LARP1B: variants seen among roughly 807,000 people sequenced by gnomAD.
LARP1B encodes la-related protein 1B.
LARP1B carries 76 observed loss-of-function variants against 114.2 expected under a neutral mutation model. The ratio of observed to expected loss-of-function variants is 0.67; its 90% confidence interval spans 0.55 to 0.81. The LOEUF (loss-of-function observed/expected upper bound fraction) is 0.81. Among genes scored for constraint, LARP1B ranks in the 30% least tolerant of loss-of-function variants. The probability of loss-of-function intolerance (pLI) is 0.00; values close to 1 mark genes in which losing one functional copy is unlikely to be tolerated. For synonymous variants in LARP1B, 345 were observed against 348.0 expected, an observed-to-expected ratio of 0.99 and a Z score of 0.10; for missense variants, 1,014 against 1,075.8, an observed-to-expected ratio of 0.94 and a Z score of 0.80.
rs1383143391 is a variant in LARP1B, at chr4:128,184,914, C to A, written c.2003+5402C>A. On this transcript the variant is annotated intron_variant, in intron 15 of 19. Transcript: ENST00000326639. The stretch of plus-strand genomic sequence containing the variant: ...CTATGTTTCTGCAAATGACATAATT[C>A]TTTTTTATGGCTGAATAGTATTCCA... Among the ~76,000 whole-genome samples the A allele has an allele frequency of 2.0e-5, 3 of 152,088 alleles. No homozygotes were observed. The East Asian group carries it at 5.8e-4, about 29-fold the overall frequency.
intron 1 of LARP1B, chr4:128,061,646 C>A: frequency 1.0e-6 from 1 of 980,478 alleles, no homozygotes. Context: ...CAGTCGGGTT[C>A]CCTGGCCTCG....
At chr4:128,083,565 G>A (rs1370695392) in intron 5 of LARP1B, among the ~76,000 whole-genome samples, 1 of 149,082 alleles carries the variant, frequency 6.7e-6, no homozygotes, top group African/African-American at 2.5e-5. Flanking sequence ...CGGCTGGCGG[G>A]CAGGGGGCTG....
At chr4:128,160,659 T>G (rs1283812958) in intron 11 of LARP1B, among the ~76,000 whole-genome samples, 1 of 152,208 alleles carries the variant, frequency 6.6e-6, no homozygotes, top group East Asian at 1.9e-4. Context: ...CATACAATAA[T>G]TATTTATAGA....
chr4:128,146,370 G>C (rs1195468325), intron 11 of LARP1B, among the ~76,000 whole-genome samples: 2 of 152,196 alleles, frequency 1.3e-5, no homozygotes, highest in Non-Finnish European at 2.9e-5. Flanking sequence ...GGTGATAGTT[G>C]TTGAAACCAT....
chr4:128,063,997 C>T (rs6534659), intron 1 of LARP1B, among the ~76,000 whole-genome samples: 91,209 of 151,528 alleles, frequency 0.6, 28,290 homozygotes, highest in Middle Eastern at 0.8. Flanking sequence ...ATTGGCTGTG[C>T]GCGGTGGCAC....
chr4:128,176,209 AT>A (rs68183289), intron 12 of LARP1B, among the ~76,000 whole-genome samples: 1 of 143,604 alleles, frequency 7.0e-6, no homozygotes, highest in Non-Finnish European at 1.5e-5. Flanking sequence ...TATATTATAT[AT>A]TTATATATAA....
Position 128,107,150 on chromosome 4 carries a change from T to C in LARP1B, c.825T>C (p.Asp275=). ...ATTTCTGTTAATAGGCACTGAAGGA[T>C]AGCACAGAAGTAGAAATTGTGGATG... ...NLNLILEALK[D]STEVEIVDEK... Residue 275 remains aspartate, a synonymous_variant, in exon 9 of 20, where the codon GAT becomes GAC. Transcript: ENST00000326639. 1 of 1,613,788 alleles carries C rather than the reference T, an allele frequency of 6.2e-7. No homozygotes were observed. Among genetic ancestry groups the C allele is most frequent in the South Asian group, 1.1e-5 (1 of 91,078 alleles).
chr4:128,167,311 C>T (rs781134491), intron 12 of LARP1B, among the ~76,000 whole-genome samples: 8 of 151,830 alleles, frequency 5.3e-5, no homozygotes, highest in Non-Finnish European at 8.8e-5. Flanking sequence ...TACTGTTTTC[C>T]ACAATGGCTG....
chr4:128,062,014 ACCGCCG>A (rs1461221790), intron 1 of LARP1B: 2 of 984,348 alleles, frequency 2.0e-6, no homozygotes, highest in African/African-American at 1.7e-5. Flanking sequence ...CGCCACCGCC[ACCGCCG>A]CCGCCGTCGC....
upstream of LARP1B, among the ~76,000 whole-genome samples, chr4:128,061,022 C>T (rs1165160312): frequency 1.3e-5 from 2 of 151,936 alleles, no homozygotes; most frequent in Admixed American, 6.6e-5. Flanking sequence ...GGCCGCGAGC[C>T]AGCCGCGAGC....
chr4:128,108,524 G>A, intron 9 of LARP1B: 1 of 985,742 alleles, frequency 1.0e-6, no homozygotes, highest in Non-Finnish European at 1.2e-6. Flanking sequence ...CATCAACAAA[G>A]CATCGATGAT....
intron 11 of LARP1B, among the ~76,000 whole-genome samples, chr4:128,129,943 C>T (rs1791035694): frequency 6.6e-6 from 1 of 152,104 alleles, no homozygotes; most frequent in African/African-American, 2.4e-5. Context: ...ATCTAGATGA[C>T]CTTGGGCTTA....
At chr4:128,133,998 A>G (rs1398306498) in intron 11 of LARP1B, among the ~76,000 whole-genome samples, 1 of 88,664 alleles carries the variant, frequency 1.1e-5, no homozygotes, top group Non-Finnish European at 2.4e-5. Context: ...TGCCCAGCCC[A>G]ATTTTTTTTT....
intron 5 of LARP1B, among the ~76,000 whole-genome samples, chr4:128,089,526 G>T (rs948489012): frequency 1.3e-5 from 2 of 151,968 alleles, no homozygotes; most frequent in African/African-American, 4.8e-5. Flanking sequence ...AGTAGAGATG[G>T]GGTTTTGCCA....
At chr4:128,062,676 C>G (rs1760720714) in intron 1 of LARP1B, among the ~76,000 whole-genome samples, 2 of 130,192 alleles carry the variant, frequency 1.5e-5, no homozygotes, top group Non-Finnish European at 3.1e-5. Context: ...CGATTGTAGT[C>G]TTTTGTGAAA....
At chr4:128,137,791 A>ATTT (rs758032661) in intron 11 of LARP1B, among the ~76,000 whole-genome samples, 3 of 63,558 alleles carry the variant, frequency 4.7e-5, no homozygotes, top group Admixed American at 1.7e-4. Context: ...ATATATATAT[A>ATTT]TTTTTTTTTT....
intron 11 of LARP1B, among the ~76,000 whole-genome samples, chr4:128,158,308 A>G (rs1277156850): frequency 1.3e-5 from 2 of 152,218 alleles, no homozygotes; most frequent in Non-Finnish European, 2.9e-5. Flanking sequence ...AATGCAGTTT[A>G]GAAAAGTGAA....
chr4:128,165,236 C>T (rs903499066), intron 12 of LARP1B, among the ~76,000 whole-genome samples: 5 of 151,094 alleles, frequency 3.3e-5, no homozygotes, highest in Non-Finnish European at 5.9e-5. Flanking sequence ...TCTAGTTGGT[C>T]GGTATGAGTG....
chr4:128,143,086 A>G (rs943678638), intron 11 of LARP1B, among the ~76,000 whole-genome samples: 3 of 151,938 alleles, frequency 2.0e-5, no homozygotes, highest in African/African-American at 4.8e-5. Context: ...AGAGATTGAG[A>G]CCATCCTGGC....
Sources: allele counts gnomAD v4.1 joint callset (sites outside exome capture counted in the v4.1 genomes callset), GRCh38; gene constraint gnomAD v4.1.1; transcripts MANE v1.5; gene names NCBI Gene and HGNC (gene_info 2026-07-23, HGNC 2026-07-21).